NAALADL1: variants seen among roughly 807,000 people sequenced by gnomAD.
NAALADL1 encodes the protein N-acetylated alpha-linked acidic dipeptidase like 1.
In NAALADL1, 77 loss-of-function variants were observed where a neutral mutation model predicts 82.8. The ratio of observed to expected loss-of-function variants is 0.93; its 90% CI spans 0.77 to 1.12. The LOEUF is 1.12. Among genes scored for constraint, NAALADL1 ranks in the 50% most tolerant of loss-of-function variants. The probability of loss-of-function intolerance (pLI) is 0.00; values close to 1 mark genes in which losing one functional copy is unlikely to be tolerated. For synonymous variants in NAALADL1, 358 were observed against 399.2 expected (o/e 0.90, Z 1.23); for missense variants, 956 against 964.0 (o/e 0.99, Z 0.11).
In NAALADL1 at chr11:65,045,868, G is replaced by A. The variant is rs74460041; in HGVS notation, c.1990C>T (p.Arg664Trp). The A allele has an allele frequency of 1.8e-4, 287 of 1,614,146 alleles. No homozygotes were observed. The highest frequency in any genetic ancestry group is 2.1e-4 in the Non-Finnish European group (251 of 1,180,006). The change falls in exon 17 of 18, where the codon CGG becomes TGG. Residue 664 changes from arginine to tryptophan, a missense_variant. Physicochemically the swap from Arg to Trp is moderately radical, Grantham distance 101. Transcript: ENST00000358658. ...AAGGCTCTAGGGTTCAGAAAGGTCC[G>A]TTCCAAGAGCATCAACTGGTCATTG... The part of the protein sequence containing the change: ...MLNDQLMLLE[R>W]TFLNPRAFPE...
At chr11:65,059,645 C>T (rs1408257169), upstream of NAALADL1, among the ~76,000 whole-genome samples, 1 of 152,242 alleles carries the variant, frequency 6.6e-6, no homozygotes. Flanking sequence ...ATCCATCCAC[C>T]CATCCCTCCA....
chr11:65,058,264 A>G lies in NAALADL1; in HGVS notation c.186-14T>C. ...CTGGAGAGTTCTCTGCAGGGTGGGC[A>G]GAGGGAGGGGCAGGGCCAGCATCAG... On this transcript the variant is annotated splice_polypyrimidine_tract_variant and intron_variant, in intron 1 of 17. Transcript: ENST00000358658. 2 of 1,613,554 alleles carry G rather than the reference A, an allele frequency of 1.2e-6. No homozygotes were observed. Among genetic ancestry groups the G allele is most frequent in the Middle Eastern group, 1.7e-4 (1 of 6,058 alleles).
chr11:65,047,919 C>T, intron 11 of NAALADL1, 62 bp downstream of exon 11: 1 of 1,478,900 alleles, frequency 6.8e-7, no homozygotes, highest in Non-Finnish European at 9.1e-7. Flanking sequence ...CCGTAGCGGC[C>T]CCGTCCGCCG....
upstream of NAALADL1, chr11:65,058,632 C>G (rs1409350679): frequency 1.9e-6 from 2 of 1,072,374 alleles, no homozygotes; most frequent in Non-Finnish European, 1.3e-6. Flanking sequence ...CCCTTTGACC[C>G]CCAGCTGGCA....
chr11:65,045,626 A>C (rs1590753365), intron 17 of NAALADL1, 169 bp from the exon 18 acceptor site: 1 of 898,320 alleles, frequency 1.1e-6, no homozygotes, highest in Non-Finnish European at 1.7e-6. Context: ...TCGGGGGAGG[A>C]AATGTGGGTT....
chr11:65,051,734 G>A (rs897956582), intron 8 of NAALADL1, among the ~76,000 whole-genome samples: 18 of 152,044 alleles, frequency 1.2e-4, no homozygotes, highest in African/African-American at 3.1e-4. Flanking sequence ...AGTGGGTATC[G>A]GTTCAAATGC....
rs769222284 is a variant in NAALADL1 at position 65,057,440 on chromosome 11, C to G, written c.534G>C (p.Gln178His). The G allele has an allele frequency of 6.2e-7, 1 of 1,614,212 alleles. No individual in the cohort carries two copies. The highest frequency in any genetic ancestry group is 1.1e-5 in the South Asian group (1 of 91,090). Residue 178 changes from glutamine to histidine, a missense_variant, in exon 4 of 18, where the codon CAG becomes CAC. Coordinates refer to ENST00000358658, the MANE Select transcript of NAALADL1 (RefSeq NM_005468.3). ...RGAEEDFKEL[Q>H]TQGIKLEGTI... Reference sequence around the variant, plus strand: ...TGCCTTCAAGTTTGATGCCCTGAGTCTGTAGCTCCTTAAAGTCTTCTTCCG... The same window carrying G: ...TGCCTTCAAGTTTGATGCCCTGAGTGTGTAGCTCCTTAAAGTCTTCTTCCG...
chr11:65,058,836 T>C (rs993404068), upstream of NAALADL1, among the ~76,000 whole-genome samples: 2 of 152,160 alleles, frequency 1.3e-5, no homozygotes, highest in Admixed American at 1.3e-4. Flanking sequence ...AGAGCTCCTG[T>C]GTTCACAGCA....
chr11:65,048,097 AC>A (rs775376675), intron 10 of NAALADL1, 49 bp from the exon 11 acceptor site: 2 of 1,613,020 alleles, frequency 1.2e-6, no homozygotes, highest in African/African-American at 2.7e-5. Context: ...CCCTTCTTTT[AC>A]CCACCCAGTC....
intron 4 of NAALADL1, 119 bp downstream of exon 4, chr11:65,057,252 T>A: frequency 6.9e-7 from 1 of 1,441,182 alleles, no homozygotes; most frequent in Non-Finnish European, 9.2e-7. Context: ...TGCCCCACCC[T>A]GGGGCTTGGT....
In NAALADL1 at chr11:65,058,062, CTG is replaced by C. The variant is rs752120781; in HGVS notation, c.358+14_358+15del. On this transcript the variant is annotated intron_variant, in intron 2 of 17. Coordinates refer to ENST00000358658, the MANE Select transcript of NAALADL1 (RefSeq NM_005468.3). Reference sequence around the variant, plus strand: ...TCCCCACCCCCGGGCATTCCCAAGACTGGGCAGGACCTCACCGATGTCCACGA... The same window carrying C: ...TCCCCACCCCCGGGCATTCCCAAGACGGCAGGACCTCACCGATGTCCACGA... 4.3e-6 allele frequency: 7 copies of C among 1,611,630 alleles called. No homozygotes were observed. Among genetic ancestry groups the C allele is most frequent in the Non-Finnish European group, 4.2e-6 (5 of 1,178,356 alleles).
rs1416145328 is a variant in NAALADL1 at position 65,045,316 on chromosome 11, G to A, written c.2178C>T (p.Ala726=). The A allele has an allele frequency of 2.5e-6, 4 of 1,610,990 alleles. No homozygotes were observed. Among genetic ancestry groups the A allele is most frequent in the African/African-American group, 1.3e-5 (1 of 74,888 alleles). Residue 726 remains alanine, a synonymous_variant, in exon 18 of 18, where the codon GCC becomes GCT. Transcript: ENST00000358658. ...VQRQLSIVVT[A]LEGAAATLRP... is the part of the protein sequence containing the mutation. ...TCAGGGTGGCTGCCGCACCCTCCAG[G>A]GCTGTCACCACAATGCTGAGCTGTC...
At position 65,057,989 on chromosome 11, in the gene NAALADL1, G is replaced by A; in HGVS notation, c.366C>T (p.Pro122=). 6.2e-7 allele frequency: 1 copy of A among 1,614,128 alleles called. No individual in the cohort carries two copies. The highest frequency in any genetic ancestry group is 8.5e-7 in the Non-Finnish European group (1 of 1,179,996). Residue 122 remains proline (P), a synonymous_variant, in exon 3 of 18, where the codon CCC becomes CCT. Coordinates refer to ENST00000358658, the MANE Select transcript of NAALADL1 (RefSeq NM_005468.3). Reference sequence around the variant, plus strand: ...GGCAGGAGTGGATGATGCCCCCAGTGGGGCCCACTGTTGGAGGGGTGGCAG... The same window carrying A: ...GGCAGGAGTGGATGATGCCCCCAGTAGGGCCCACTGTTGGAGGGGTGGCAG... The part of the protein sequence containing the change: ...EQPNVVDIVG[P]TGGIIHSCHR...
chr11:65,053,135 T>G lies in NAALADL1; in HGVS notation c.1198+83A>C. On this transcript the variant is annotated intron_variant, in intron 8 of 17. Transcript: ENST00000358658. The surrounding 1 kb of genome is among the most constrained non-coding windows in gnomAD (Gnocchi z 4.3). The stretch of plus-strand genomic sequence containing the variant: ...CCCTCAGGCATGGCACAAGGAGCAC[T>G]GCAGTGTGAGGGAGAGGAGGTGGAA... 6.9e-7 allele frequency: 1 copy of G among 1,454,834 alleles called. No homozygotes were observed. The highest frequency in any genetic ancestry group is 9.1e-7 in the Non-Finnish European group (1 of 1,094,668). 90.1% of individuals were successfully genotyped at this position (1,454,834 alleles called of 1,614,324 possible).
upstream of NAALADL1, among the ~76,000 whole-genome samples, chr11:65,059,605 G>A (rs1057021040): frequency 6.6e-6 from 1 of 152,200 alleles, no homozygotes; most frequent in Non-Finnish European, 1.5e-5. Flanking sequence ...CCCTGGCTCT[G>A]CCTGGACTCC....
chr11:65,053,288 A>G lies in NAALADL1; in HGVS notation c.1128T>C (p.Ala376=). 6.4e-7 allele frequency: 1 copy of G among 1,556,330 alleles called. No homozygotes were observed. Among genetic ancestry groups the G allele is most frequent in the South Asian group, 1.2e-5 (1 of 84,402 alleles). Residue 376 remains alanine, a synonymous_variant, in exon 8 of 18, where the codon GCT becomes GCC. Coordinates refer to ENST00000358658, the MANE Select transcript of NAALADL1 (RefSeq NM_005468.3). The surrounding 1 kb of genome is among the most constrained non-coding windows in gnomAD (Gnocchi z 4.3). The stretch of plus-strand genomic sequence containing the variant: ...CGGCGGTGCCACTGCTGGGGTCCAC[A>G]GCCCCGTGCACCCAGCTGTCTCGGT... The part of the protein sequence containing the change: ...GNHRDSWVHG[A]VDPSSGTAVL...
chr11:65,056,975 C>T (rs988986869), intron 4 of NAALADL1, among the ~76,000 whole-genome samples: 3 of 152,094 alleles, frequency 2.0e-5, no homozygotes, highest in Admixed American at 2.0e-4. Context: ...CTTCGGCCTC[C>T]CAAAGTGCTG....
intron 4 of NAALADL1, among the ~76,000 whole-genome samples, chr11:65,055,381 G>A (rs1353405652): frequency 2.0e-5 from 3 of 152,178 alleles, no homozygotes; most frequent in Non-Finnish European, 2.9e-5. Context: ...AGGTTGCAGT[G>A]AGCTGAGATC....
upstream of NAALADL1, among the ~76,000 whole-genome samples, chr11:65,059,933 C>T (rs1375749482): frequency 6.6e-6 from 1 of 152,182 alleles, no homozygotes; most frequent in Non-Finnish European, 1.5e-5. Context: ...CCCAAGTATG[C>T]CATACACATA....
Sources: gnomAD v4.1 joint callset for allele counts (sites outside exome capture counted in the v4.1 genomes callset) on GRCh38, gnomAD v4.1.1 for gene constraint, Gnocchi (gnomAD v3.1) non-coding constraint, MANE v1.5 for transcripts, NCBI Gene and HGNC (gene_info 2026-07-23, HGNC 2026-07-21) for gene names.